Variants in SLC14A2 observed in about 807,000 individuals in gnomAD.
SLC14A2 encodes the protein solute carrier family 14 member 2.
In SLC14A2, 91 loss-of-function variants were observed where a neutral mutation model predicts 104.6. The ratio of observed to expected loss-of-function variants is 0.87; its 90% CI spans 0.73 to 1.04. The LOEUF (loss-of-function observed/expected upper bound fraction) is 1.04, where lower values mean the gene tolerates loss of function less well. Among genes scored for constraint, SLC14A2 ranks in the 50% least tolerant of loss-of-function variants. The pLI, the probability that SLC14A2 is intolerant of heterozygous loss-of-function variation, is 0.00. For synonymous variants in SLC14A2, 476 were observed against 466.4 expected (o/e 1.02, Z -0.27); for missense variants, 1,189 against 1,156.0 (o/e 1.03, Z -0.41).
chr18:45,259,189 G>C (rs889383389), intron 1 of SLC14A2, among the ~76,000 whole-genome samples: 1 of 152,222 alleles, frequency 6.6e-6, no homozygotes, highest in African/African-American at 2.4e-5. Context: ...CCTGCTCAGA[G>C]GGTGGAGAAA....
intron 1 of SLC14A2, among the ~76,000 whole-genome samples, chr18:45,334,762 C>T (rs556477364): frequency 2.0e-5 from 3 of 152,114 alleles, no homozygotes; most frequent in East Asian, 3.9e-4. Flanking sequence ...TGGGAGCAAG[C>T]CTGCAGCACA....
rs73952826 is a variant in SLC14A2, at chr18:45,275,301, A to G, written c.-125+62110A>G. Among the ~76,000 whole-genome samples the G allele has an allele frequency of 5.4e-3, 823 of 152,360 alleles. 7 individuals are homozygous for G. The highest frequency in any genetic ancestry group is 0.018 in the African/African-American group (764 of 41,594). ...TCTCCACTACATTGGAAAAAGTGTC[A>G]TATTTGTTCAATTCATGTAAGACCA... On this transcript the variant is annotated intron_variant, in intron 1 of 20. Transcript: ENST00000586448.
chr18:45,370,615 G>T (rs967885007), intron 1 of SLC14A2, among the ~76,000 whole-genome samples: 2 of 152,160 alleles, frequency 1.3e-5, no homozygotes, highest in African/African-American at 4.8e-5. Context: ...TTGCAGGTTT[G>T]CAAAATAGCA....
At chr18:45,504,354 C>T (rs564152117) in intron 2 of SLC14A2, among the ~76,000 whole-genome samples, 45 of 152,234 alleles carry the variant, frequency 3.0e-4, no homozygotes, top group Admixed American at 5.9e-4. Context: ...TAATCATAAA[C>T]GGTTTGCTCC....
intron 1 of SLC14A2, among the ~76,000 whole-genome samples, chr18:45,441,622 C>T (rs994006913): frequency 5.9e-5 from 9 of 152,170 alleles, no homozygotes; most frequent in Middle Eastern, 3.2e-3. Context: ...CACACGTGCA[C>T]GCATGCCCAT....
At chr18:45,279,385 T>C (rs1411758506) in intron 1 of SLC14A2, among the ~76,000 whole-genome samples, 1 of 152,208 alleles carries the variant, frequency 6.6e-6, no homozygotes, top group Non-Finnish European at 1.5e-5. Flanking sequence ...CTTTGAGGGC[T>C]TGCAGTAAAA....
chr18:45,319,855 GT>G (rs1177851997), intron 1 of SLC14A2, among the ~76,000 whole-genome samples: 2 of 152,168 alleles, frequency 1.3e-5, no homozygotes, highest in African/African-American at 4.8e-5. Flanking sequence ...GAAATGCTGG[GT>G]TTTCTCCTTT....
chr18:45,641,059 T>C (rs1369964060), intron 7 of SLC14A2, 150 bp from the exon 8 acceptor site: 6 of 686,080 alleles, frequency 8.7e-6, no homozygotes, highest in African/African-American at 1.8e-5. Flanking sequence ...TAAGACCGGA[T>C]GCCATTTGTA....
chr18:45,618,282 C>T (rs1226089433), intron 1 of SLC14A2, among the ~76,000 whole-genome samples: 1 of 152,166 alleles, frequency 6.6e-6, no homozygotes, highest in African/African-American at 2.4e-5. Flanking sequence ...AGGTCTTAGG[C>T]AAAATATATC....
At chr18:45,470,601 T>C (rs1240842123) in intron 1 of SLC14A2, among the ~76,000 whole-genome samples, 1 of 152,204 alleles carries the variant, frequency 6.6e-6, no homozygotes, top group African/African-American at 2.4e-5. Context: ...TTAACATTTT[T>C]CATTCTTTAT....
rs1373772953 is a variant in SLC14A2 at position 45,663,796 on chromosome 18, G to A, written c.1363G>A (p.Glu455Lys). The A allele has an allele frequency of 6.2e-7, 1 of 1,612,506 alleles. No homozygotes were observed. Among genetic ancestry groups the A allele is most frequent in the Non-Finnish European group, 8.5e-7 (1 of 1,179,808 alleles). ...EEKAPSGGGG[E>K]HPPTAGPKVE... ...TTGCCCCTGGCTAGGAGGCGGTGGGGAGCATCCACCCACAGCAGGCCCAAA... is the reference window on the plus strand; with the variant it reads ...TTGCCCCTGGCTAGGAGGCGGTGGGAAGCATCCACCCACAGCAGGCCCAAA... The change falls in exon 11 of 20, where the codon GAG becomes AAG. Residue 455 changes from glutamate to lysine, a missense_variant. Physicochemically the swap from Glu to Lys is moderately conservative, Grantham distance 56. Transcript: ENST00000255226.
chr18:45,535,833 G>A (rs771074255), intron 2 of SLC14A2, among the ~76,000 whole-genome samples: 4 of 152,154 alleles, frequency 2.6e-5, no homozygotes, highest in Non-Finnish European at 5.9e-5. Flanking sequence ...TTATCCCCTA[G>A]CCCTAGTGCC....
chr18:45,405,726 G>T (rs779712826), intron 1 of SLC14A2, among the ~76,000 whole-genome samples: 4 of 151,930 alleles, frequency 2.6e-5, no homozygotes, highest in Non-Finnish European at 5.9e-5. Flanking sequence ...GTGAAACCCT[G>T]TCTCTAGTAA....
chr18:45,392,536 T>C (rs2085981939), intron 1 of SLC14A2, among the ~76,000 whole-genome samples: 1 of 152,224 alleles, frequency 6.6e-6, no homozygotes, highest in Admixed American at 6.5e-5. Flanking sequence ...CTAAAATGGC[T>C]ATTTGCTTTA....
chr18:45,379,987 G>T (rs561232111), intron 1 of SLC14A2, among the ~76,000 whole-genome samples: 2 of 152,166 alleles, frequency 1.3e-5, no homozygotes, highest in African/African-American at 4.8e-5. Context: ...GTAATGTAAG[G>T]CTCCACTGGA....
intron 1 of SLC14A2, among the ~76,000 whole-genome samples, chr18:45,334,262 G>T (rs2085316599): frequency 6.6e-6 from 1 of 152,168 alleles, no homozygotes; most frequent in African/African-American, 2.4e-5. Flanking sequence ...ATTTTGCTTT[G>T]TCTATTGAAT....
In SLC14A2 at chr18:45,644,152, C is replaced by T. The variant is rs147906453; in HGVS notation, c.1343C>T (p.Ala448Val). 2.5e-6 allele frequency: 4 copies of T among 1,614,104 alleles called. No homozygotes were observed. The highest frequency in any genetic ancestry group is 1.1e-5 in the South Asian group (1 of 91,064). Residue 448 changes from alanine to valine, a missense_variant, in exon 10 of 20, where the codon GCC becomes GTC. By Grantham distance (64) the Ala-to-Val change is moderately conservative (BLOSUM62 0). Transcript: ENST00000255226. ...GTGAAAAGCGGTGAAGAAGAGAAGG[C>T]CCCCAGCGGTGAATAGCCATGTTCG... Reference protein sequence around the residue: ...LTVKSGEEEKAPSGGGGEHPP... With the variant: ...LTVKSGEEEKVPSGGGGEHPP...
chr18:45,651,939 T>G (rs2045745366), intron 10 of SLC14A2, among the ~76,000 whole-genome samples: 1 of 152,242 alleles, frequency 6.6e-6, no homozygotes, highest in Non-Finnish European at 1.5e-5. Flanking sequence ...GACTTTCTCC[T>G]TCCCATCACT....
At chr18:45,644,837 C>A (rs2045591503) in intron 10 of SLC14A2, among the ~76,000 whole-genome samples, 1 of 152,130 alleles carries the variant, frequency 6.6e-6, no homozygotes, top group African/African-American at 2.4e-5. Context: ...TTAGGTCAAA[C>A]CAGCATCTCT....
Sources: gnomAD v4.1 joint callset for allele counts (sites outside exome capture counted in the v4.1 genomes callset) on GRCh38, gnomAD v4.1.1 for gene constraint, MANE v1.5 for transcripts, NCBI Gene and HGNC (gene_info 2026-07-23, HGNC 2026-07-21) for gene names.